USP8: variants seen among roughly 807,000 people sequenced by gnomAD.
The protein encoded by USP8 is ubiquitin carboxyl-terminal hydrolase 8.
USP8 carries 27 observed loss-of-function variants against 130.0 expected under a neutral mutation model. The ratio of observed to expected loss-of-function variants is 0.21; its 90% confidence interval spans 0.15 to 0.29. USP8 has a LOEUF of 0.29. Ranked by LOEUF, USP8 falls within the 10% of genes least tolerant of loss-of-function variation. The probability of loss-of-function intolerance (pLI) is 1.00; values close to 1 mark genes in which losing one functional copy is unlikely to be tolerated. For missense variants in USP8, 1,029 were observed against 1,312.2 expected, an observed-to-expected ratio of 0.78 and a Z score of 3.33; for synonymous variants, 392 against 444.1, an observed-to-expected ratio of 0.88 and a Z score of 1.48.
chr15:50,451,180 G>A (rs2050619251), intron 4 of USP8, among the ~76,000 whole-genome samples: 1 of 152,168 alleles, frequency 6.6e-6, no homozygotes. Context: ...GGCCCAGGCG[G>A]GCGGATTACT....
intron 1 of USP8, among the ~76,000 whole-genome samples, chr15:50,430,346 C>G (rs2049891747): frequency 6.6e-6 from 1 of 151,720 alleles, no homozygotes; most frequent in African/African-American, 2.4e-5. Context: ...GACGTCATCT[C>G]AAAAAAATAA....
At chr15:50,466,030 G>C (rs1315114248) in intron 7 of USP8, among the ~76,000 whole-genome samples, 2 of 152,080 alleles carry the variant, frequency 1.3e-5, no homozygotes, top group African/African-American at 4.8e-5. Flanking sequence ...TGGTAAGAAG[G>C]CCTTTAACCT....
chr15:50,487,144 T>A (rs2141312431), intron 12 of USP8, among the ~76,000 whole-genome samples: 1 of 151,976 alleles, frequency 6.6e-6, no homozygotes, highest in Admixed American at 6.6e-5. Context: ...AAAAACAACT[T>A]ATTAATGTAA....
At position 50,510,700 on chromosome 15, in the gene USP8, A is replaced by G. The variant is rs895554256; in HGVS notation, c.*11612A>G. 6.6e-6 allele frequency: 1 copy of G among 152,186 alleles called. No individual in the cohort carries two copies. The highest frequency in any genetic ancestry group is 2.4e-5 in the African/African-American group (1 of 41,452). 9.4% of individuals were successfully genotyped at this position (152,186 alleles called of 1,614,324 possible). On this transcript the variant is annotated 3_prime_UTR_variant, in exon 20 of 20. Transcript: ENST00000307179. The stretch of plus-strand genomic sequence containing the variant: ...ATATATATGTATAGAGAGTGAAAGT[A>G]ATAAAAGTGTATACACTGCTAAATG...
chr15:50,463,354 TTTC>T (rs1331277914), intron 6 of USP8: 1 of 152,208 alleles, frequency 6.6e-6, no homozygotes, highest in Non-Finnish European at 1.5e-5. Context: ...CTAGAGACGT[TTTC>T]CTCTCTCAGA....
intron 10 of USP8, among the ~76,000 whole-genome samples, chr15:50,479,588 A>G (rs2051691148): frequency 6.6e-6 from 1 of 152,086 alleles, no homozygotes; most frequent in African/African-American, 2.4e-5. Context: ...TGGAAACAAC[A>G]TTTATTTTTG....
At chr15:50,427,779 G>A (rs1371017611) in intron 1 of USP8, among the ~76,000 whole-genome samples, 1 of 151,682 alleles carries the variant, frequency 6.6e-6, no homozygotes, top group Non-Finnish European at 1.5e-5. Flanking sequence ...GGCTGGTCTT[G>A]AACTCCTGAC....
At chr15:50,466,985 G>T in intron 7 of USP8, 1 of 498,538 alleles carries the variant, frequency 2.0e-6, no homozygotes, top group Non-Finnish European at 3.7e-6. Flanking sequence ...ATTTCCATAT[G>T]AGAATCCACA....
At chr15:50,484,790 A>G (rs771485021) in intron 12 of USP8, among the ~76,000 whole-genome samples, 2 of 152,238 alleles carry the variant, frequency 1.3e-5, no homozygotes, top group Non-Finnish European at 2.9e-5. Context: ...TGTACATGTA[A>G]TGGAATATTA....
chr15:50,454,317 C>T (rs1302550195), intron 4 of USP8, among the ~76,000 whole-genome samples: 1 of 152,138 alleles, frequency 6.6e-6, no homozygotes, highest in East Asian at 1.9e-4. Flanking sequence ...TTTTTATTTT[C>T]TTGCTGGAAC....
intron 11 of USP8, among the ~76,000 whole-genome samples, chr15:50,483,187 C>G (rs1463726416): frequency 6.6e-6 from 1 of 152,162 alleles, no homozygotes; most frequent in Admixed American, 6.5e-5. Context: ...ACAAGTGAAA[C>G]TGAAGTTTAG....
chr15:50,475,854 C>T (rs773969113), intron 8 of USP8, among the ~76,000 whole-genome samples: 7 of 152,084 alleles, frequency 4.6e-5, no homozygotes, highest in Non-Finnish European at 7.4e-5. Context: ...CCTCCCGCCT[C>T]GGCCTTCCAA....
At chr15:50,446,942 TTTC>T (rs918015740) in intron 3 of USP8, among the ~76,000 whole-genome samples, 6 of 152,214 alleles carry the variant, frequency 3.9e-5, no homozygotes, top group Admixed American at 1.3e-4. Flanking sequence ...TCAACAGATT[TTTC>T]TTCTTAAAAA....
At chr15:50,449,555 A>G (rs1301757853) in intron 4 of USP8, 70 bp downstream of exon 4, 5 of 1,142,428 alleles carry the variant, frequency 4.4e-6, no homozygotes, top group Non-Finnish European at 6.0e-6. Context: ...AGATTTACCG[A>G]TTTATATCTG....
At chr15:50,469,283 T>A (rs1595948223) in intron 7 of USP8, among the ~76,000 whole-genome samples, 1 of 151,920 alleles carries the variant, frequency 6.6e-6, no homozygotes, top group Non-Finnish European at 1.5e-5. Context: ...AAGTAAAAAA[T>A]TATTTTTAAT....
intron 9 of USP8, 113 bp downstream of exon 9, chr15:50,477,106 G>A: frequency 7.1e-7 from 1 of 1,418,210 alleles, no homozygotes; most frequent in Non-Finnish European, 9.5e-7. Flanking sequence ...AGAGCAGTTT[G>A]TTTTCAGGCA....
At chr15:50,445,542 T>A (rs1361706876) in intron 3 of USP8, among the ~76,000 whole-genome samples, 1 of 1,642 alleles carries the variant, frequency 6.1e-4, no homozygotes, top group African/African-American at 1.0e-3. Flanking sequence ...CAAGAGTCTG[T>A]CTCAAAAAAA....
rs187709284 is a variant in USP8 at position 50,440,759 on chromosome 15, T to A, written c.105-590T>A. On this transcript the variant is annotated intron_variant, in intron 2 of 19. Coordinates refer to ENST00000307179, the MANE Select transcript of USP8 (RefSeq NM_005154.5). ...GGCTCATGCCTGTAATCCGAGCACT[T>A]TGGGAGGCTGAGATGGGAGGATCAC... 3.1e-4 allele frequency among the ~76,000 whole-genome samples: 47 copies of A among 151,820 alleles called. No homozygotes were observed. In the East Asian group the frequency reaches 5.0e-3, roughly 16 times the overall value.
At chr15:50,480,070 A>C (rs993772549) in intron 10 of USP8, among the ~76,000 whole-genome samples, 9 of 151,902 alleles carry the variant, frequency 5.9e-5, no homozygotes, top group African/African-American at 2.2e-4. Flanking sequence ...AACTTCTTTT[A>C]TTTTCTAGTA....
Sources: allele counts gnomAD v4.1 joint callset (sites outside exome capture counted in the v4.1 genomes callset), GRCh38; gene constraint gnomAD v4.1.1; transcripts MANE v1.5; gene names NCBI Gene and HGNC (gene_info 2026-07-23, HGNC 2026-07-21).